The following PRKG1 variants were observed in gnomAD, a reference collection of about 807,000 sequenced individuals.
The protein encoded by PRKG1 is protein kinase cGMP-dependent 1, also known as cGMP-dependent protein kinase 1.
A neutral mutation model predicts 88.1 loss-of-function variants in PRKG1; 35 were observed. The ratio of observed to expected loss-of-function variants is 0.40; its 90% CI spans 0.30 to 0.53. The LOEUF (loss-of-function observed/expected upper bound fraction) is 0.53. Ranked by LOEUF, PRKG1 falls within the 20% of genes least tolerant of loss-of-function variation. The pLI is 0.59. For synonymous variants in PRKG1, 303 were observed against 292.5 expected (o/e 1.04, Z -0.37); for missense variants, 540 against 839.8 (o/e 0.64, Z 4.41).
intron 2 of PRKG1, among the ~76,000 whole-genome samples, chr10:51,286,082 G>T (rs1840433916): frequency 6.6e-6 from 1 of 152,148 alleles, no homozygotes; most frequent in Admixed American, 6.5e-5. Context: ...GCAATTCTTG[G>T]ATCTCAGCCA....
intron 1 of PRKG1, among the ~76,000 whole-genome samples, chr10:51,028,581 G>GAA (rs5784853): frequency 1.5e-3 from 227 of 151,380 alleles, no homozygotes; most frequent in African/African-American, 4.1e-3. Context: ...GAGAAGCCAG[G>GAA]AAAAAAAAAT....
chr10:51,082,593 GTT>G (rs1491535803), intron 1 of PRKG1, among the ~76,000 whole-genome samples: 1 of 152,050 alleles, frequency 6.6e-6, no homozygotes, highest in Admixed American at 6.5e-5. Flanking sequence ...GAGTGTGTGT[GTT>G]TGTTGTGTGT....
At chr10:51,824,079 G>A (rs1017087920) in intron 4 of PRKG1, among the ~76,000 whole-genome samples, 1 of 151,922 alleles carries the variant, frequency 6.6e-6, no homozygotes, top group Non-Finnish European at 1.5e-5. Context: ...TTGCCATGTT[G>A]CCTAGGCTGG....
chr10:51,525,246 AAAG>A (rs544590825), intron 3 of PRKG1, among the ~76,000 whole-genome samples: 176 of 151,940 alleles, frequency 1.2e-3, no homozygotes, highest in Non-Finnish European at 2.2e-3. Context: ...GAAGGAAAGA[AAAG>A]AAGAAAGGGA....
chr10:51,809,792 A>G (rs1402664025), intron 4 of PRKG1, among the ~76,000 whole-genome samples: 4 of 152,044 alleles, frequency 2.6e-5, no homozygotes, highest in Admixed American at 6.5e-5. Flanking sequence ...AAACCTTTCC[A>G]TATCTTCCCA....
chr10:51,348,163 C>G (rs967226685), intron 2 of PRKG1, among the ~76,000 whole-genome samples: 1 of 151,968 alleles, frequency 6.6e-6, no homozygotes, highest in Non-Finnish European at 1.5e-5. Context: ...TATAATAAAC[C>G]TATCACATTG....
intron 3 of PRKG1, among the ~76,000 whole-genome samples, chr10:51,661,865 G>C (rs1840308113): frequency 6.6e-6 from 1 of 152,176 alleles, no homozygotes; most frequent in South Asian, 2.1e-4. Context: ...TTAAGAAAAT[G>C]TGGCACATAT....
chr10:51,990,865 C>T (rs1056414741), intron 5 of PRKG1, among the ~76,000 whole-genome samples: 1 of 115,452 alleles, frequency 8.7e-6, no homozygotes, highest in African/African-American at 4.2e-5. Context: ...TGGTCTCCAG[C>T]TCCACCCATG....
At chr10:50,996,730 C>G (rs1274569692) in intron 1 of PRKG1, among the ~76,000 whole-genome samples, 1 of 152,224 alleles carries the variant, frequency 6.6e-6, no homozygotes, top group African/African-American at 2.4e-5. Flanking sequence ...CTATTTGTCA[C>G]TTGTGTCATT....
At chr10:51,827,136 T>C (rs1438431860) in intron 4 of PRKG1, among the ~76,000 whole-genome samples, 2 of 152,144 alleles carry the variant, frequency 1.3e-5, no homozygotes, top group African/African-American at 4.8e-5. Flanking sequence ...AACAACACAA[T>C]TGTATGTTTG....
intron 9 of PRKG1, among the ~76,000 whole-genome samples, chr10:52,196,940 C>G (rs12256131): frequency 0.049 from 7,405 of 152,128 alleles, 637 homozygotes; most frequent in African/African-American, 0.17. Flanking sequence ...GTAGCAGTAT[C>G]TCTAAATCTG....
chr10:51,856,133 C>A (rs1486838115), intron 4 of PRKG1, among the ~76,000 whole-genome samples: 2 of 152,174 alleles, frequency 1.3e-5, no homozygotes, highest in Non-Finnish European at 2.9e-5. Context: ...ATTATGGGGT[C>A]ATTGCTTCTC....
At chr10:52,044,943 T>C (rs1440067357) in intron 5 of PRKG1, among the ~76,000 whole-genome samples, 1 of 152,172 alleles carries the variant, frequency 6.6e-6, no homozygotes, top group Non-Finnish European at 1.5e-5. Context: ...AGGAAATCTT[T>C]AAACCTTTGT....
intron 1 of PRKG1, among the ~76,000 whole-genome samples, chr10:51,043,938 A>AACT (rs1843456267): frequency 1.3e-5 from 2 of 152,246 alleles, no homozygotes; most frequent in South Asian, 4.2e-4. Flanking sequence ...ACACTAGCTA[A>AACT]ACTTTTCTCT....
chr10:51,880,091 T>TA, intron 4 of PRKG1, among the ~76,000 whole-genome samples: 1 of 152,348 alleles, frequency 6.6e-6, no homozygotes, highest in Non-Finnish European at 1.5e-5. Context: ...CAGAAAGAGA[T>TA]ACCTCGTTTG....
intron 7 of PRKG1, among the ~76,000 whole-genome samples, chr10:52,129,757 T>A (rs1837205542): frequency 6.6e-6 from 1 of 152,196 alleles, no homozygotes; most frequent in African/African-American, 2.4e-5. Context: ...GACCCTTTCA[T>A]ATTAGTTTTA....
chr10:51,943,971 A>G (rs1842967674), intron 5 of PRKG1, among the ~76,000 whole-genome samples: 1 of 152,026 alleles, frequency 6.6e-6, no homozygotes, highest in Non-Finnish European at 1.5e-5. Context: ...GGCCTCATCA[A>G]ATGAGTTAGG....
At chr10:51,029,633 C>T (rs1305482738) in intron 1 of PRKG1, among the ~76,000 whole-genome samples, 1 of 152,144 alleles carries the variant, frequency 6.6e-6, no homozygotes, top group Non-Finnish European at 1.5e-5. Context: ...AATTAGGTTC[C>T]AGTCCCAACT....
At chr10:51,383,120 T>G (rs1837152372) in intron 2 of PRKG1, among the ~76,000 whole-genome samples, 1 of 152,114 alleles carries the variant, frequency 6.6e-6, no homozygotes, top group Non-Finnish European at 1.5e-5. Flanking sequence ...TTCCCCTGTT[T>G]CCCACAGTTG....
Sources: allele counts gnomAD v4.1 joint callset (sites outside exome capture counted in the v4.1 genomes callset), GRCh38; gene constraint gnomAD v4.1.1; transcripts MANE v1.5; gene names NCBI Gene and HGNC (gene_info 2026-07-23, HGNC 2026-07-21).